Variants in ELOVL5 observed in about 807,000 individuals in gnomAD.
The protein encoded by ELOVL5 is very long chain fatty acid elongase 5.
In ELOVL5, 8 loss-of-function variants were observed where a neutral mutation model predicts 38.6. The observed-to-expected ratio is 0.21, with a 90% CI of 0.12 to 0.37. The LOEUF is 0.37. Ranked by LOEUF, ELOVL5 falls within the 10% of genes least tolerant of loss-of-function variation. ELOVL5 has a pLI of 1.00. For synonymous variants in ELOVL5, 127 were observed against 133.7 expected, an observed-to-expected ratio of 0.95 and a Z score of 0.34; for missense variants, 280 against 367.8, an observed-to-expected ratio of 0.76 and a Z score of 1.95.
At chr6:53,328,170 C>A (rs114008483) in intron 1 of ELOVL5, among the ~76,000 whole-genome samples, 1 of 152,182 alleles carries the variant, frequency 6.6e-6, no homozygotes, top group African/African-American at 2.4e-5. Flanking sequence ...CCCAATGAGA[C>A]AGACAAGGGC....
chr6:53,285,595 A>AT (rs1391125200), intron 3 of ELOVL5, among the ~76,000 whole-genome samples: 1 of 152,086 alleles, frequency 6.6e-6, no homozygotes, highest in Non-Finnish European at 1.5e-5. Flanking sequence ...ACCTGGGAGC[A>AT]TTTTTATTTT....
rs1256139748 is a variant in ELOVL5, at chr6:53,287,857, C to G, written c.246+3919G>C. 2.0e-6 allele frequency: 3 copies of G among 1,535,428 alleles called. No individual in the cohort carries two copies. In the East Asian group the frequency reaches 7.3e-5, roughly 38 times the overall value. Reference sequence around the variant, plus strand: ...TCAAAGCCATGTGCACTGCACAACACTGACCCTGTTTTCTGGCAGCTGCTG... The same window carrying G: ...TCAAAGCCATGTGCACTGCACAACAGTGACCCTGTTTTCTGGCAGCTGCTG... On this transcript the variant is annotated intron_variant, in intron 3 of 7. Coordinates refer to ENST00000304434, the MANE Select transcript of ELOVL5 (RefSeq NM_021814.5).
chr6:53,289,821 G>A (rs1217628240), intron 3 of ELOVL5, among the ~76,000 whole-genome samples: 1 of 152,208 alleles, frequency 6.6e-6, no homozygotes, highest in African/African-American at 2.4e-5. Flanking sequence ...ATGTACAGGA[G>A]AAAACTCGGA....
At chr6:53,277,829 G>A (rs1766199021) in intron 3 of ELOVL5, 1 of 152,234 alleles carries the variant, frequency 6.6e-6, no homozygotes, top group Admixed American at 6.5e-5. Context: ...ACCTGGGGTG[G>A]AGAGGGAAGG....
intron 1 of ELOVL5, among the ~76,000 whole-genome samples, chr6:53,342,412 C>G (rs12199436): frequency 6.6e-6 from 1 of 152,170 alleles, no homozygotes; most frequent in African/African-American, 2.4e-5. Context: ...AAGTACTACT[C>G]TGGGGTTCAG....
chr6:53,306,011 G>A (rs921806240), intron 1 of ELOVL5, among the ~76,000 whole-genome samples: 3 of 151,870 alleles, frequency 2.0e-5, no homozygotes, highest in East Asian at 4.0e-4. Flanking sequence ...AGACCAGCCC[G>A]GCCAACACAG....
chr6:53,305,609 G>A (rs559033173), intron 1 of ELOVL5, among the ~76,000 whole-genome samples: 2,310 of 149,716 alleles, frequency 0.015, 59 homozygotes, highest in African/African-American at 0.054. Context: ...GACGATGGGC[G>A]GCCGGGCAGA....
intron 1 of ELOVL5, among the ~76,000 whole-genome samples, chr6:53,305,305 C>T (rs1342807904): frequency 7.4e-6 from 1 of 134,712 alleles, no homozygotes; most frequent in African/African-American, 2.9e-5. Flanking sequence ...ACCTCCCGGA[C>T]AGGGCGGCTG....
intron 3 of ELOVL5, among the ~76,000 whole-genome samples, chr6:53,291,220 G>T (rs1294103849): frequency 6.6e-6 from 1 of 152,124 alleles, no homozygotes; most frequent in Admixed American, 6.5e-5. Context: ...TAAAATAACT[G>T]GGCCTGAACT....
intron 1 of ELOVL5, among the ~76,000 whole-genome samples, chr6:53,341,112 T>C (rs987547949): frequency 2.0e-5 from 3 of 152,198 alleles, no homozygotes; most frequent in Non-Finnish European, 2.9e-5. Context: ...TTGTAAGCTA[T>C]TCAGTGTGTA....
chr6:53,319,040 T>C (rs1165654363), intron 1 of ELOVL5, among the ~76,000 whole-genome samples: 2 of 151,664 alleles, frequency 1.3e-5, no homozygotes, highest in South Asian at 2.1e-4. Context: ...TCCCAGCACT[T>C]TGGGAGGCAG....
chr6:53,298,593 G>A (rs943472319), intron 1 of ELOVL5, among the ~76,000 whole-genome samples: 13 of 152,058 alleles, frequency 8.5e-5, no homozygotes, highest in African/African-American at 3.1e-4. Context: ...ATATAAATAA[G>A]GCCCTTAGAG....
At position 53,298,667 on chromosome 6, in the gene ELOVL5, G is replaced by A. The variant is rs540004947; in HGVS notation, c.-8-2960C>T. Among the ~76,000 whole-genome samples the A allele has an allele frequency of 2.0e-5, 3 of 152,242 alleles. No individual in the cohort carries two copies. The East Asian group carries it at 5.8e-4, about 29-fold the overall frequency. ...TGAATGTATGTCTGCCACAGGATTG[G>A]CTCCATGATGAATACTGTCAACCAC... On this transcript the variant is annotated intron_variant, in intron 1 of 7. Transcript: ENST00000304434.
At chr6:53,296,094 G>T (rs1048578544) in intron 1 of ELOVL5, among the ~76,000 whole-genome samples, 1 of 152,078 alleles carries the variant, frequency 6.6e-6, no homozygotes, top group Non-Finnish European at 1.5e-5. Context: ...ACAAGGAAGA[G>T]CCATATCAGG....
chr6:53,269,059 A>T lies in ELOVL5; in HGVS notation c.*68T>A. ...CTAGTTACAGCAGCTGTTAACGAGC[A>T]TTGGGGCACAACTCATATTGTGCTT... On this transcript the variant is annotated 3_prime_UTR_variant, in exon 8 of 8. Coordinates refer to ENST00000304434, the MANE Select transcript of ELOVL5 (RefSeq NM_021814.5). 6.4e-7 allele frequency: 1 copy of T among 1,559,858 alleles called. No homozygotes were observed.
At position 53,328,704 on chromosome 6, in the gene ELOVL5, G is replaced by T. The variant is rs118120060; in HGVS notation, c.-9+20113C>A. On this transcript the variant is annotated intron_variant, in intron 1 of 7. Coordinates refer to ENST00000304434, the MANE Select transcript of ELOVL5 (RefSeq NM_021814.5). ...AGCTATTTTAAAACTATTCCAAAAGGTTGCTAGTCTGGAAGCCTAAATACT... is the reference window on the plus strand; with the variant it reads ...AGCTATTTTAAAACTATTCCAAAAGTTTGCTAGTCTGGAAGCCTAAATACT... 8.2e-4 allele frequency among the ~76,000 whole-genome samples: 125 copies of T among 152,236 alleles called. 4 individuals are homozygous for T. In the East Asian group the frequency reaches 0.024, roughly 29 times the overall value.
chr6:53,282,548 T>G (rs1365004300), intron 3 of ELOVL5, among the ~76,000 whole-genome samples: 1 of 152,222 alleles, frequency 6.6e-6, no homozygotes, highest in Non-Finnish European at 1.5e-5. Flanking sequence ...TCAGATACAC[T>G]AGGGACAACT....
rs1057122015 is a variant in ELOVL5 at position 53,324,816 on chromosome 6, GA to G, written c.-9+24000del. On this transcript the variant is annotated intron_variant, in intron 1 of 7. Coordinates refer to ENST00000304434, the MANE Select transcript of ELOVL5 (RefSeq NM_021814.5). ...GGGCTATCATACCAAAAAAAAATCA[GA>G]ATTTCTTCATCTCCAAAGTGTATCA... is the stretch of plus-strand genomic sequence containing the variant. Among the ~76,000 whole-genome samples the G allele has an allele frequency of 5.0e-4, 76 of 151,936 alleles. 1 individual carries two copies. Among genetic ancestry groups the G allele is most frequent in the African/African-American group, 1.7e-3 (70 of 41,388 alleles).
chr6:53,318,345 A>C (rs1768143390), intron 1 of ELOVL5, among the ~76,000 whole-genome samples: 1 of 152,198 alleles, frequency 6.6e-6, no homozygotes, highest in Non-Finnish European at 1.5e-5. Flanking sequence ...TGAAAACCTC[A>C]ATCTCCTCAC....
Sources: allele counts gnomAD v4.1 joint callset (sites outside exome capture counted in the v4.1 genomes callset), GRCh38; gene constraint gnomAD v4.1.1; transcripts MANE v1.5; gene names NCBI Gene and HGNC (gene_info 2026-07-23, HGNC 2026-07-21).